The following TRNAU1AP variants were observed in gnomAD, a reference collection of about 807,000 sequenced individuals.
TRNAU1AP encodes the protein tRNA selenocysteine 1 associated protein 1.
TRNAU1AP carries 33 observed loss-of-function variants against 43.3 expected under a neutral mutation model. The observed-to-expected ratio is 0.76, with a 90% CI of 0.58 to 1.02. The LOEUF (loss-of-function observed/expected upper bound fraction) is 1.02. TRNAU1AP is among the 50% of genes least tolerant of loss of function. The pLI is 0.00. For synonymous variants in TRNAU1AP, 143 were observed against 129.1 expected (o/e 1.11, Z -0.73); for missense variants, 290 against 362.7 (o/e 0.80, Z 1.63).
intron 8 of TRNAU1AP, among the ~76,000 whole-genome samples, chr1:28,576,578 A>T (rs1665786679): frequency 6.6e-6 from 1 of 151,264 alleles, no homozygotes; most frequent in Admixed American, 6.6e-5. Flanking sequence ...TGGCCTCCCA[A>T]AGTGCTGGGA....
chr1:28,573,260 G>A (rs1469736370), intron 8 of TRNAU1AP, among the ~76,000 whole-genome samples: 1 of 93,188 alleles, frequency 1.1e-5, no homozygotes, highest in Non-Finnish European at 2.1e-5. Flanking sequence ...TCTCAAACTC[G>A]ACCTCGTGAT....
At chr1:28,556,247 A>G (rs1474271234) in intron 2 of TRNAU1AP, among the ~76,000 whole-genome samples, 1 of 151,866 alleles carries the variant, frequency 6.6e-6, no homozygotes, top group Non-Finnish European at 1.5e-5. Context: ...AGATCACTTG[A>G]GGTCAGGAAT....
chr1:28,577,605 C>G lies in TRNAU1AP; in HGVS notation c.833C>G (p.Thr278Arg). 3 of 1,614,150 alleles carry G rather than the reference C, an allele frequency of 1.9e-6. No individual in the cohort carries two copies. Among genetic ancestry groups the G allele is most frequent in the Non-Finnish European group, 2.5e-6 (3 of 1,180,016 alleles). Residue 278 changes from threonine (T) to arginine (R), a missense_variant, in exon 9 of 9, where the codon ACA becomes AGA. Around this residue, in one of 3 missense-constraint regions of TRNAU1AP, gnomAD observed 57 missense variants for 55.1 expected, o/e 1.03. Coordinates refer to ENST00000373830, the MANE Select transcript of TRNAU1AP (RefSeq NM_017846.5). ...GACTGTCACTGGCAGCCCCTGGACACAGTGTCTTCAGAGATCCCTGCCATG... is the reference window on the plus strand; with the variant it reads ...GACTGTCACTGGCAGCCCCTGGACAGAGTGTCTTCAGAGATCCCTGCCATG... ...LMDCHWQPLD[T>R]VSSEIPAMM
chr1:28,555,899 G>T (rs1433074976), intron 2 of TRNAU1AP, among the ~76,000 whole-genome samples: 1 of 150,104 alleles, frequency 6.7e-6, no homozygotes, highest in Non-Finnish European at 1.5e-5. Flanking sequence ...TGTGGCCCAG[G>T]CTGGTGTGCA....
chr1:28,564,601 C>G (rs1665495189), intron 4 of TRNAU1AP, 102 bp from the exon 5 acceptor site: 1 of 1,431,974 alleles, frequency 7.0e-7, no homozygotes, highest in Non-Finnish European at 9.4e-7. Context: ...CAAATGTTTT[C>G]CTTAAGGGGC....
At chr1:28,555,223 T>TC (rs1406063752) in intron 2 of TRNAU1AP, among the ~76,000 whole-genome samples, 1 of 140,630 alleles carries the variant, frequency 7.1e-6, no homozygotes, top group African/African-American at 2.8e-5. Context: ...AGAGCGAAAC[T>TC]CCATCTCAAA....
chr1:28,563,860 GA>G lies in TRNAU1AP; in HGVS notation c.279-833del, dbSNP rs555463429. On this transcript the variant is annotated intron_variant, in intron 4 of 8. Coordinates refer to ENST00000373830, the MANE Select transcript of TRNAU1AP (RefSeq NM_017846.5). ...GAGTGATACTCCATTTCAACAAAAA[GA>G]AAAAAAAAATAACAAAGGTTTGTGT... Among the ~76,000 whole-genome samples, 109 of 147,156 alleles carry G rather than the reference GA, an allele frequency of 7.4e-4. 1 individual carries two copies. In the South Asian group the frequency reaches 0.018, roughly 24 times the overall value.
At chr1:28,576,508 G>A (rs865926948) in intron 8 of TRNAU1AP, among the ~76,000 whole-genome samples, 5 of 149,560 alleles carry the variant, frequency 3.3e-5, no homozygotes, top group Admixed American at 6.7e-5. Context: ...TAGTGGAGAC[G>A]GGGTTTCACC....
chr1:28,562,259 G>C (rs1055290533), intron 4 of TRNAU1AP, among the ~76,000 whole-genome samples: 2 of 152,198 alleles, frequency 1.3e-5, no homozygotes, highest in Non-Finnish European at 2.9e-5. Flanking sequence ...ATTAGCCTCA[G>C]ATGTATTCAT....
chr1:28,575,771 T>G (rs987281286), intron 8 of TRNAU1AP, among the ~76,000 whole-genome samples: 1 of 151,250 alleles, frequency 6.6e-6, no homozygotes, highest in Non-Finnish European at 1.5e-5. Context: ...TTGGTCAGGC[T>G]GGTCTCAAAC....
chr1:28,566,415 C>T (rs531099340), intron 5 of TRNAU1AP, among the ~76,000 whole-genome samples: 13 of 150,714 alleles, frequency 8.6e-5, no homozygotes, highest in Non-Finnish European at 4.4e-5. Flanking sequence ...GTCAGGAGTT[C>T]GAGACCAGTC....
At chr1:28,577,119 T>A (rs1209209462) in intron 8 of TRNAU1AP, among the ~76,000 whole-genome samples, 1 of 152,220 alleles carries the variant, frequency 6.6e-6, no homozygotes, top group African/African-American at 2.4e-5. Context: ...TTTCAGCTCC[T>A]ATATTTGACT....
Position 28,553,638 on chromosome 1 carries a change from A to G in TRNAU1AP, c.28-2A>G. On this transcript the variant is annotated splice_acceptor_variant, in intron 1 of 8. Coordinates refer to ENST00000373830, the MANE Select transcript of TRNAU1AP (RefSeq NM_017846.5). LOFTEE classifies it high-confidence loss of function. ...AGCCGCTGTGCTCTTGTTTTTACGC[A>G]GCTGGAACCCTACATGGATGAGAAC... The G allele has an allele frequency of 6.8e-6, 11 of 1,613,856 alleles. No individual in the cohort carries two copies. The highest frequency in any genetic ancestry group is 9.3e-6 in the Non-Finnish European group (11 of 1,180,002).
chr1:28,561,427 A>G (rs753865420), intron 4 of TRNAU1AP, 29 bp downstream of exon 4: 3 of 1,613,530 alleles, frequency 1.9e-6, no homozygotes, highest in Admixed American at 3.3e-5. Context: ...CTAGACAGAC[A>G]TAAGATGTGT....
chr1:28,553,843 T>G (rs1304407357), intron 2 of TRNAU1AP, 106 bp downstream of exon 2: 2 of 994,136 alleles, frequency 2.0e-6, no homozygotes, highest in Admixed American at 4.3e-5. Context: ...TAATAGTCAC[T>G]GTAAAATTAT....
At chr1:28,571,137 G>C in intron 6 of TRNAU1AP, 39 bp from the exon 7 acceptor site, 2 of 1,604,634 alleles carry the variant, frequency 1.2e-6, no homozygotes, top group African/African-American at 1.3e-5. Flanking sequence ...TTACGGAAAT[G>C]TTTGCTTACA....
intron 4 of TRNAU1AP, among the ~76,000 whole-genome samples, chr1:28,562,877 G>A (rs1380487987): frequency 6.8e-6 from 1 of 148,022 alleles, no homozygotes; most frequent in Non-Finnish European, 1.5e-5. Context: ...CATCGTGCCT[G>A]GACTGTGCTT....
chr1:28,567,357 G>A lies in TRNAU1AP; in HGVS notation c.474G>A (p.Gln158=), dbSNP rs143180460. 12 of 1,613,904 alleles carry A rather than the reference G, an allele frequency of 7.4e-6. No individual in the cohort carries two copies. In the African/African-American group the frequency reaches 1.5e-4, roughly 20 times the overall value. The change falls in exon 6 of 9, where the codon CAG becomes CAA. Residue 158 remains glutamine (Q), a synonymous_variant. Coordinates refer to ENST00000373830, the MANE Select transcript of TRNAU1AP (RefSeq NM_017846.5). ...AGAAGCGAGCCCTGACGGAGTGCCA[G>A]GGAGCAGTGGGACTGGGGTCTAAGC... ...LEQKRALTEC[Q]GAVGLGSKPV...
rs760775256 is a variant in TRNAU1AP, at chr1:28,564,823, A to G, written c.399A>G (p.Thr133=). ...GAGGCAAGGTGGTTTTGGACCAGACAGGCGTGTCTAAGTAAGGCCTTACTT... is the reference window on the plus strand; with the variant it reads ...GAGGCAAGGTGGTTTTGGACCAGACGGGCGTGTCTAAGTAAGGCCTTACTT... The part of the protein sequence containing the change: ...CRGGKVVLDQ[T]GVSKGYGFVK... Residue 133 remains threonine (T), a synonymous_variant, in exon 5 of 9, where the codon ACA becomes ACG. Transcript: ENST00000373830. 3.7e-6 allele frequency: 6 copies of G among 1,613,932 alleles called. No homozygotes were observed. In the East Asian group the frequency reaches 1.3e-4, roughly 36 times the overall value.
Sources: allele counts gnomAD v4.1 joint callset (sites outside exome capture counted in the v4.1 genomes callset), GRCh38; gene constraint gnomAD v4.1.1; regional missense constraint gnomAD v4.1.1; transcripts MANE v1.5; gene names NCBI Gene and HGNC (gene_info 2026-07-23, HGNC 2026-07-21).